PCDH15: variants seen among roughly 807,000 people sequenced by gnomAD.
PCDH15 encodes protocadherin related 15.
Under a neutral mutation model 178.5 loss-of-function variants are expected in PCDH15, and 129 were observed. That is an observed-to-expected ratio of 0.72 (90% CI 0.63 to 0.84). The LOEUF is 0.84. Ranked by LOEUF, PCDH15 falls within the 40% of genes least tolerant of loss-of-function variation. The probability of loss-of-function intolerance (pLI) is 0.00; values close to 1 mark genes in which losing one functional copy is unlikely to be tolerated. For synonymous variants in PCDH15, 800 were observed against 732.0 expected (o/e 1.09, Z -1.50); for missense variants, 2,230 against 2,099.9 (o/e 1.06, Z -1.21).
intron 3 of PCDH15, among the ~76,000 whole-genome samples, chr10:54,882,569 T>C (rs1008150649): frequency 2.6e-5 from 4 of 152,078 alleles, no homozygotes; most frequent in African/African-American, 9.7e-5. Context: ...TAAACATCTA[T>C]TAAATGAGGA....
At chr10:55,527,175 A>G (rs1171433373) in intron 2 of PCDH15, among the ~76,000 whole-genome samples, 2 of 152,072 alleles carry the variant, frequency 1.3e-5, no homozygotes, top group African/African-American at 2.4e-5. Flanking sequence ...GCATGTGTAT[A>G]TTCGTTTCTT....
At chr10:54,901,762 A>G (rs960930026) in intron 2 of PCDH15, among the ~76,000 whole-genome samples, 3 of 152,152 alleles carry the variant, frequency 2.0e-5, no homozygotes, top group Non-Finnish European at 2.9e-5. Context: ...TAAGATCCCT[A>G]TTGCCTCTTT....
chr10:54,905,533 C>G (rs1446783239), intron 2 of PCDH15, among the ~76,000 whole-genome samples: 1 of 152,032 alleles, frequency 6.6e-6, no homozygotes, highest in Admixed American at 6.6e-5. Flanking sequence ...CTCTTTATCA[C>G]TTTAAAAGCT....
chr10:54,337,041 C>T (rs574575280), intron 6 of PCDH15, among the ~76,000 whole-genome samples: 2 of 151,990 alleles, frequency 1.3e-5, no homozygotes. Context: ...ATTTGACTGC[C>T]CCACTGGATT....
chr10:54,952,628 A>G (rs1314521609), intron 2 of PCDH15, among the ~76,000 whole-genome samples: 3 of 151,804 alleles, frequency 2.0e-5, no homozygotes, highest in East Asian at 3.9e-4. Flanking sequence ...ATCAATATAC[A>G]TAGAATATCT....
chr10:54,021,723 T>C (rs540101518), intron 19 of PCDH15, among the ~76,000 whole-genome samples: 1 of 152,054 alleles, frequency 6.6e-6, no homozygotes, highest in South Asian at 2.1e-4. Context: ...CTAGGCCCTT[T>C]GTACTGAGGA....
intron 5 of PCDH15, among the ~76,000 whole-genome samples, chr10:54,359,378 G>A (rs1945620885): frequency 6.6e-6 from 1 of 151,828 alleles, no homozygotes; most frequent in African/African-American, 2.4e-5. Context: ...AATTTAAGAA[G>A]TTAACAATCA....
At chr10:55,156,426 TG>T (rs1267514432) in intron 2 of PCDH15, among the ~76,000 whole-genome samples, 2 of 152,086 alleles carry the variant, frequency 1.3e-5, no homozygotes, top group Non-Finnish European at 2.9e-5. Flanking sequence ...CTAGGTTGAA[TG>T]GTAAGTAGTT....
chr10:55,171,200 T>C (rs550660036), intron 1 of PCDH15, among the ~76,000 whole-genome samples: 1 of 152,298 alleles, frequency 6.6e-6, no homozygotes, highest in South Asian at 2.1e-4. Flanking sequence ...TTCCTTCACA[T>C]CTAATTTAAG....
At chr10:54,309,449 C>T (rs2060764684) in intron 8 of PCDH15, among the ~76,000 whole-genome samples, 1 of 151,790 alleles carries the variant, frequency 6.6e-6, no homozygotes, top group Non-Finnish European at 1.5e-5. Flanking sequence ...TGACTTATTA[C>T]ATAATAAACA....
chr10:54,351,892 C>T (rs1047043467), intron 5 of PCDH15, among the ~76,000 whole-genome samples: 1 of 152,022 alleles, frequency 6.6e-6, no homozygotes, highest in Non-Finnish European at 1.5e-5. Context: ...ATAATAGGAC[C>T]CAATACAGCA....
At chr10:55,116,370 A>T (rs1254895572) in intron 2 of PCDH15, among the ~76,000 whole-genome samples, 1 of 152,138 alleles carries the variant, frequency 6.6e-6, no homozygotes, top group Non-Finnish European at 1.5e-5. Flanking sequence ...TGAATATCAA[A>T]ATGTTTAAAT....
chr10:54,871,697 C>G (rs1160404009), intron 3 of PCDH15, among the ~76,000 whole-genome samples: 1 of 151,952 alleles, frequency 6.6e-6, no homozygotes, highest in Non-Finnish European at 1.5e-5. Flanking sequence ...ATCAACATTA[C>G]ACTAATCAGT....
chr10:55,409,906 G>A (rs189026295), intron 2 of PCDH15, among the ~76,000 whole-genome samples: 1 of 152,246 alleles, frequency 6.6e-6, no homozygotes, highest in African/African-American at 2.4e-5. Context: ...GGCCAATCAT[G>A]ATAGGAACTA....
At chr10:54,269,341 T>G (rs2057902672) in intron 8 of PCDH15, among the ~76,000 whole-genome samples, 1 of 151,982 alleles carries the variant, frequency 6.6e-6, no homozygotes, top group Non-Finnish European at 1.5e-5. Flanking sequence ...AAAACGACTT[T>G]GTAAAGAACA....
chr10:55,602,569 G>A (rs1843112356), intron 2 of PCDH15, among the ~76,000 whole-genome samples: 1 of 152,098 alleles, frequency 6.6e-6, no homozygotes, highest in Admixed American at 6.5e-5. Flanking sequence ...TCCTCAAGTG[G>A]GTCCCTGACC....
At chr10:54,008,174 G>T (rs1265100945) in intron 20 of PCDH15, among the ~76,000 whole-genome samples, 1 of 152,126 alleles carries the variant, frequency 6.6e-6, no homozygotes, top group Non-Finnish European at 1.5e-5. Flanking sequence ...TAAAAAAGTG[G>T]TATTACATAT....
chr10:55,375,444 A>G (rs1837370396), intron 2 of PCDH15, among the ~76,000 whole-genome samples: 1 of 152,100 alleles, frequency 6.6e-6, no homozygotes, highest in East Asian at 1.9e-4. Context: ...AAGTTTTTCT[A>G]AAATTTTAAA....
intron 1 of PCDH15, among the ~76,000 whole-genome samples, chr10:55,298,330 A>C (rs1279280676): frequency 6.6e-6 from 1 of 152,194 alleles, no homozygotes; most frequent in African/African-American, 2.4e-5. Flanking sequence ...CAGCTAACCA[A>C]TTTGTTTCTT....
Sources: gnomAD v4.1 joint callset for allele counts (sites outside exome capture counted in the v4.1 genomes callset) on GRCh38, gnomAD v4.1.1 for gene constraint, MANE v1.5 for transcripts, NCBI Gene and HGNC (gene_info 2026-07-23, HGNC 2026-07-21) for gene names.